Variants in LAMA1 observed in about 807,000 individuals in gnomAD.
LAMA1 encodes laminin subunit alpha 1, also known as laminin subunit alpha-1.
Under a neutral mutation model 348.7 loss-of-function variants are expected in LAMA1, and 219 were observed. The ratio of observed to expected loss-of-function variants is 0.63; its 90% CI spans 0.56 to 0.70. LAMA1 has a LOEUF of 0.70. Among genes scored for constraint, LAMA1 ranks in the 30% least tolerant of loss-of-function variants. LAMA1 has a pLI of 0.00. For missense variants in LAMA1, 3,744 were observed against 3,888.0 expected (o/e 0.96, Z 0.99); for synonymous variants, 1,487 against 1,491.0 (o/e 1.00, Z 0.06).
chr18:6,955,330 A>G (rs552294194), intron 57 of LAMA1, 23 bp downstream of exon 57: 1 of 1,568,720 alleles, frequency 6.4e-7, no homozygotes, highest in Admixed American at 1.7e-5. Flanking sequence ...GACGCCGCAT[A>G]AGGATGTTAG....
chr18:7,038,813 A>AC lies in LAMA1; in HGVS notation c.1559dup (p.Gln521SerfsTer59). 6.2e-7 allele frequency: 1 copy of AC among 1,614,140 alleles called. No homozygotes were observed. Among genetic ancestry groups the AC allele is most frequent in the Non-Finnish European group, 8.5e-7 (1 of 1,180,034 alleles). Reference sequence around the variant, plus strand: ...CCGCGCAGATGGCGCCTCCCACCTGACCAACAGGCCAAGAGAGGCTGCTGC... The same window carrying AC: ...CCGCGCAGATGGCGCCTCCCACCTGACCCAACAGGCCAAGAGAGGCTGCTGC... On this transcript the variant is annotated frameshift_variant, in exon 11 of 63. Coordinates refer to ENST00000389658, the MANE Select transcript of LAMA1 (RefSeq NM_005559.4). LOFTEE classifies it high-confidence loss of function.
At chr18:7,081,326 T>C (rs1568059747) in intron 1 of LAMA1, among the ~76,000 whole-genome samples, 1 of 152,224 alleles carries the variant, frequency 6.6e-6, no homozygotes, top group Non-Finnish European at 1.5e-5. Flanking sequence ...CGTCTTTCAC[T>C]TGAAAGAAGG....
At chr18:7,087,810 C>T (rs1419817321) in intron 1 of LAMA1, among the ~76,000 whole-genome samples, 4 of 152,140 alleles carry the variant, frequency 2.6e-5, no homozygotes, top group Admixed American at 1.3e-4. Flanking sequence ...GGCTTTACCT[C>T]CCAGTCTCTC....
rs770715483 is a variant in LAMA1, at chr18:6,962,055, C to T, written c.7342G>A (p.Gly2448Ser). The T allele has an allele frequency of 6.2e-7, 1 of 1,610,622 alleles. No homozygotes were observed. Among genetic ancestry groups the T allele is most frequent in the Non-Finnish European group, 8.5e-7 (1 of 1,176,862 alleles). The change falls in exon 52 of 63, where the codon GGT becomes AGT. Residue 2448 changes from glycine to serine, a missense_variant. Gly to Ser is a moderately conservative substitution (Grantham distance 56). This residue lies in a region of LAMA1 where 1,983 missense variants were observed against 1,934.3 expected (regional missense o/e 1.03). Coordinates refer to ENST00000389658, the MANE Select transcript of LAMA1 (RefSeq NM_005559.4). ...CCCACAAAGCTTTTGGTGGTGACAC[C>T]TCTCCTGTAGGGAAGGGCATGAGAA... The part of the protein sequence containing the change: ...GLPRSRVVRR[G>S]VTTKSFVGCI...
At chr18:6,971,797 A>G (rs1452319145) in intron 48 of LAMA1, 60 bp downstream of exon 48, 6 of 1,610,540 alleles carry the variant, frequency 3.7e-6, no homozygotes, top group East Asian at 2.2e-5. Flanking sequence ...ACATTCTTTC[A>G]GCACTTCTCA....
chr18:6,979,766 G>A (rs2057701127), intron 42 of LAMA1, among the ~76,000 whole-genome samples: 2 of 151,814 alleles, frequency 1.3e-5, no homozygotes, highest in South Asian at 2.1e-4. Flanking sequence ...GGGGACGGTG[G>A]CGGGCGCCTG....
chr18:6,942,615 T>C (rs556119057), intron 62 of LAMA1, among the ~76,000 whole-genome samples: 2 of 151,796 alleles, frequency 1.3e-5, no homozygotes, highest in South Asian at 4.1e-4. Context: ...GGTTTCACCA[T>C]GTTGGCCAGG....
intron 1 of LAMA1, among the ~76,000 whole-genome samples, chr18:7,096,826 C>T (rs755281853): frequency 6.6e-6 from 1 of 152,208 alleles, no homozygotes; most frequent in African/African-American, 2.4e-5. Flanking sequence ...TGAAAATCAT[C>T]TTAAGACAAA....
At chr18:6,988,245 C>G (rs2057744020) in intron 36 of LAMA1, among the ~76,000 whole-genome samples, 1 of 152,090 alleles carries the variant, frequency 6.6e-6, no homozygotes, top group Non-Finnish European at 1.5e-5. Flanking sequence ...ACAAAAAAAC[C>G]CCACTCAGCA....
In LAMA1 at chr18:6,995,520, C is replaced by T. The variant is rs1024831562; in HGVS notation, c.4807-74G>A. On this transcript the variant is annotated intron_variant, in intron 33 of 62. Transcript: ENST00000389658. ...CTGATTCTTAACTAAGAAGCACTTGCATTTCTTTTTTGTTCACAGAAAGAA... is the reference window on the plus strand; with the variant it reads ...CTGATTCTTAACTAAGAAGCACTTGTATTTCTTTTTTGTTCACAGAAAGAA... 6.0e-6 allele frequency: 5 copies of T among 827,304 alleles called. No homozygotes were observed. In the African/African-American group the frequency reaches 8.4e-5, roughly 14 times the overall value. 51.2% of individuals were successfully genotyped at this position (827,304 alleles called of 1,614,324 possible).
At chr18:7,045,042 A>G (rs991627202) in intron 6 of LAMA1, among the ~76,000 whole-genome samples, 1 of 152,198 alleles carries the variant, frequency 6.6e-6, no homozygotes, top group Non-Finnish European at 1.5e-5. Context: ...AATGAAGAGG[A>G]ATAAAGCAAA....
chr18:6,991,135 C>G (rs1000446749), intron 36 of LAMA1, among the ~76,000 whole-genome samples: 4 of 152,092 alleles, frequency 2.6e-5, no homozygotes, highest in Non-Finnish European at 4.4e-5. Context: ...CCCTATTATT[C>G]TAGTAATTAG....
rs2057508518 is a variant in LAMA1, at chr18:6,943,376, A to G, written c.8871T>C (p.Ala2957=). ...GKVLFHVNNG[A]GRITAAYEPK... ...GCTCATATGCAGCTGTTATCCTGCC[A>G]GCACCATTGTTGACATGGAACAAGA... Residue 2957 remains alanine (A), a synonymous_variant, in exon 62 of 63, where the codon GCT becomes GCC. Coordinates refer to ENST00000389658, the MANE Select transcript of LAMA1 (RefSeq NM_005559.4). The G allele has an allele frequency of 1.2e-6, 2 of 1,614,092 alleles. No individual in the cohort carries two copies. The highest frequency in any genetic ancestry group is 1.1e-5 in the South Asian group (1 of 91,086).
chr18:7,011,821 C>G (rs2057861796), intron 24 of LAMA1, among the ~76,000 whole-genome samples, 174 bp downstream of exon 24: 1 of 152,208 alleles, frequency 6.6e-6, no homozygotes, highest in Non-Finnish European at 1.5e-5. Context: ...CATTTACTTC[C>G]TCGGCCAGCA....
chr18:6,977,125 T>C (rs930017301), intron 44 of LAMA1, among the ~76,000 whole-genome samples: 1 of 152,160 alleles, frequency 6.6e-6, no homozygotes, highest in Non-Finnish European at 1.5e-5. Flanking sequence ...GCACATTCTC[T>C]CAAAAGGAAA....
intron 58 of LAMA1, among the ~76,000 whole-genome samples, chr18:6,950,230 T>A (rs1407617402): frequency 6.6e-6 from 1 of 152,200 alleles, no homozygotes; most frequent in Non-Finnish European, 1.5e-5. Flanking sequence ...TGCCAAACTA[T>A]CCTTGTTTAC....
intron 57 of LAMA1, among the ~76,000 whole-genome samples, chr18:6,952,682 G>A (rs1045176580): frequency 1.2e-4 from 18 of 152,240 alleles, no homozygotes; most frequent in Non-Finnish European, 1.5e-4. Context: ...TCTGAGTAGC[G>A]TGATGAGATC....
intron 47 of LAMA1, among the ~76,000 whole-genome samples, chr18:6,972,761 C>G (rs1056723631): frequency 1.3e-5 from 2 of 152,224 alleles, no homozygotes; most frequent in East Asian, 1.9e-4. Context: ...GCGATCTCAG[C>G]TCACTGCAAC....
chr18:6,981,880 T>C lies in LAMA1; in HGVS notation c.5890+617A>G, dbSNP rs75148569. 1.4e-3 allele frequency among the ~76,000 whole-genome samples: 207 copies of C among 152,324 alleles called. 1 individual carries two copies. The highest frequency in any genetic ancestry group is 1.2e-3 in the Non-Finnish European group (82 of 68,032). On this transcript the variant is annotated intron_variant, in intron 41 of 62. Coordinates refer to ENST00000389658, the MANE Select transcript of LAMA1 (RefSeq NM_005559.4). ...GCACATTATTTGTTATAAAAAATTG[T>C]AGGCCTACGTAGTTTCTCTTACATA... is the stretch of plus-strand genomic sequence containing the variant.
Sources: allele counts gnomAD v4.1 joint callset (sites outside exome capture counted in the v4.1 genomes callset), GRCh38; gene constraint gnomAD v4.1.1; regional missense constraint gnomAD v4.1.1; transcripts MANE v1.5; gene names NCBI Gene and HGNC (gene_info 2026-07-23, HGNC 2026-07-21).